DACH2: variants seen among roughly 807,000 people sequenced by gnomAD.
DACH2 encodes dachshund homolog 2.
Under a neutral mutation model 35.8 loss-of-function variants are expected in DACH2, and 17 were observed. The ratio of observed to expected loss-of-function variants is 0.48; its 90% CI spans 0.33 to 0.71. The LOEUF (loss-of-function observed/expected upper bound fraction) is 0.71. DACH2 is among the 30% of genes least tolerant of loss of function. The probability of loss-of-function intolerance (pLI) is 0.02; values close to 1 mark genes in which losing one functional copy is unlikely to be tolerated. For synonymous variants in DACH2, 195 were observed against 177.3 expected (o/e 1.10, Z -0.79); for missense variants, 469 against 472.7 (o/e 0.99, Z 0.07).
chrX:86,304,304 A>C (rs972502801), intron 1 of DACH2: 1 of 112,228 alleles, frequency 8.9e-6, no homozygotes, highest in Non-Finnish European at 1.9e-5. Context: ...CCCACTGCTC[A>C]GAAGCTGCAA....
Position 86,814,766 on chromosome X carries a change from G to T in DACH2, c.1616G>T (p.Arg539Leu), listed in dbSNP as rs143491219. 4 of 1,209,469 alleles carry T rather than the reference G, an allele frequency of 3.3e-6. No individual in the cohort carries two copies. Among genetic ancestry groups the T allele is most frequent in the South Asian group, 3.5e-5 (2 of 56,752 alleles). ...GAAGCCTTGGAATTTGAATCAAAGCGCCGGGAGCAAGTGGAGCAGGCACTT... is the reference window on the plus strand; with the variant it reads ...GAAGCCTTGGAATTTGAATCAAAGCTCCGGGAGCAAGTGGAGCAGGCACTT... ...LQEALEFESK[R>L]REQVEQALKQ... is the part of the protein sequence containing the mutation. The change falls in exon 10 of 12, where the codon CGC (arginine) becomes CTC (leucine). Residue 539 changes from arginine (R) to leucine (L), a missense_variant. Coordinates refer to ENST00000373125, the MANE Select transcript of DACH2 (RefSeq NM_053281.3).
chrX:86,411,521 C>T (rs1306135336), intron 2 of DACH2, among the ~76,000 whole-genome samples: 1 of 110,862 alleles, frequency 9.0e-6, no homozygotes, highest in Non-Finnish European at 1.9e-5. Flanking sequence ...GTCATAATTA[C>T]ACCTAACATC....
At chrX:86,460,811 A>G (rs1403490285) in intron 2 of DACH2, among the ~76,000 whole-genome samples, 1 of 110,911 alleles carries the variant, frequency 9.0e-6, no homozygotes, top group East Asian at 2.8e-4. Context: ...ACTGTATTCA[A>G]ATTAGTAATT....
chrX:86,776,736 C>T (rs1011122136), intron 7 of DACH2, among the ~76,000 whole-genome samples: 1 of 110,984 alleles, frequency 9.0e-6, no homozygotes, highest in Non-Finnish European at 1.9e-5. Flanking sequence ...ATCCCTCCCC[C>T]ATCCCTCCAC....
intron 4 of DACH2, among the ~76,000 whole-genome samples, chrX:86,685,484 A>G (rs1485421659): frequency 1.8e-5 from 2 of 112,105 alleles, no homozygotes; most frequent in Admixed American, 1.9e-4. Context: ...TAGGGTATGC[A>G]TAACCTCATT....
At chrX:86,458,655 G>C (rs991677046) in intron 2 of DACH2, among the ~76,000 whole-genome samples, 2 of 111,807 alleles carry the variant, frequency 1.8e-5, no homozygotes, top group Admixed American at 1.9e-4. Flanking sequence ...ATGAAAATTG[G>C]TTTTATGTTC....
At chrX:86,283,883 CACACACACACAT>C (rs2034088378) in intron 1 of DACH2, among the ~76,000 whole-genome samples, 1 of 107,191 alleles carries the variant, frequency 9.3e-6, no homozygotes, top group African/African-American at 3.6e-5. Context: ...CACACACACA[CACACACACACAT>C]ACACACACAC....
intron 1 of DACH2, among the ~76,000 whole-genome samples, chrX:86,287,783 T>C (rs1003339075): frequency 5.4e-5 from 6 of 112,074 alleles, no homozygotes; most frequent in Non-Finnish European, 1.1e-4. Context: ...AATTCTGAAT[T>C]CCTTCTCTGC....
Position 86,665,298 on chromosome X carries a change from T to G in DACH2, c.772+14131T>G, listed in dbSNP as rs934737329. 4.5e-5 allele frequency among the ~76,000 whole-genome samples: 5 copies of G among 112,114 alleles called. No individual in the cohort carries two copies. The Admixed American group carries it at 4.7e-4, about 11-fold the overall frequency. ...TGTCAAAATATAGTTATTGACATCC[T>G]TATGCCTTTGAATTACCCCTATGAG... On this transcript the variant is annotated intron_variant, in intron 4 of 11. Transcript: ENST00000373125.
chrX:86,804,495 C>T (rs1180481074), intron 7 of DACH2, among the ~76,000 whole-genome samples: 2 of 111,637 alleles, frequency 1.8e-5, no homozygotes, highest in African/African-American at 3.3e-5. Flanking sequence ...GCCCTGACCC[C>T]TCCCAAATCA....
intron 1 of DACH2, among the ~76,000 whole-genome samples, chrX:86,318,547 C>A (rs1017931913): frequency 5.4e-5 from 6 of 111,591 alleles, no homozygotes; most frequent in African/African-American, 2.0e-4. Context: ...AACATAACAA[C>A]CTTAATTGTG....
chrX:86,503,387 T>G (rs1333485888), intron 2 of DACH2, among the ~76,000 whole-genome samples: 1 of 112,509 alleles, frequency 8.9e-6, no homozygotes, highest in Non-Finnish European at 1.9e-5. Flanking sequence ...CCTGTACATC[T>G]GAACAGGATT....
At chrX:86,259,027 A>T (rs1439345193) in intron 1 of DACH2, among the ~76,000 whole-genome samples, 1 of 112,101 alleles carries the variant, frequency 8.9e-6, no homozygotes, top group East Asian at 2.8e-4. Context: ...TGATTGTAAC[A>T]TGAACATTTA....
At chrX:86,308,062 A>G (rs2034723833) in intron 1 of DACH2, among the ~76,000 whole-genome samples, 1 of 112,161 alleles carries the variant, frequency 8.9e-6, no homozygotes, top group Non-Finnish European at 1.9e-5. Context: ...TTTAATGTAG[A>G]GGAAGGGATC....
At chrX:86,606,514 A>G (rs1442541259) in intron 3 of DACH2, among the ~76,000 whole-genome samples, 2 of 111,003 alleles carry the variant, frequency 1.8e-5, no homozygotes, top group Non-Finnish European at 3.8e-5. Context: ...TTCTCTTGTT[A>G]TTGATTTCTA....
rs146840744 is a variant in DACH2 at position 86,714,707 on chromosome X, C to T, written c.1091C>T (p.Thr364Ile). ...QIHSPLSRAG[T>I]SVIKERIPES... The stretch of plus-strand genomic sequence containing the variant: ...CACAGTCCACTCTCCAGAGCTGGTA[C>T]CTCTGTTATAAAGGTAAGAATCGTG... The change falls in exon 6 of 12, where the codon ACC becomes ATC. Residue 364 changes from threonine (T) to isoleucine (I), a missense_variant. Thr to Ile is a moderately conservative substitution (Grantham distance 89). This residue lies in a region of DACH2 where 363 missense variants were observed against 334.4 expected (regional missense o/e 1.09). Transcript: ENST00000373125. 1,205 of 1,172,094 alleles carry T rather than the reference C, an allele frequency of 1.0e-3. 1 individual carries two copies. The highest frequency in any genetic ancestry group is 1.3e-3 in the Non-Finnish European group (1,173 of 870,473).
chrX:86,650,068 C>A (rs1457964642), intron 3 of DACH2, among the ~76,000 whole-genome samples: 2 of 110,518 alleles, frequency 1.8e-5, no homozygotes, highest in African/African-American at 6.6e-5. Context: ...ATGGATTGTT[C>A]TGGTACTTTT....
chrX:86,575,217 T>C (rs1336734550), intron 3 of DACH2, among the ~76,000 whole-genome samples: 1 of 111,224 alleles, frequency 9.0e-6, no homozygotes, highest in Non-Finnish European at 1.9e-5. Context: ...AAACTCTTTC[T>C]ATAGTAGATT....
chrX:86,295,725 A>G (rs1175910078), intron 1 of DACH2, among the ~76,000 whole-genome samples: 1 of 111,015 alleles, frequency 9.0e-6, no homozygotes, highest in African/African-American at 3.3e-5. Context: ...ATGCCTCACA[A>G]TTGCTATGAT....
Sources: gnomAD v4.1 joint callset for allele counts (sites outside exome capture counted in the v4.1 genomes callset) on GRCh38, gnomAD v4.1.1 for gene constraint, gnomAD v4.1.1 regional missense constraint, MANE v1.5 for transcripts, NCBI Gene and HGNC (gene_info 2026-07-23, HGNC 2026-07-21) for gene names.